GARS1: variants seen among roughly 807,000 people sequenced by gnomAD.
The protein encoded by GARS1 is glycyl-tRNA synthetase 1, also known as glycine--tRNA ligase.
GARS1 carries 46 observed loss-of-function variants against 86.4 expected under a neutral mutation model. That is an observed-to-expected ratio of 0.53 (90% CI 0.42 to 0.68). The LOEUF is 0.68. Among genes scored for constraint, GARS1 ranks in the 30% least tolerant of loss-of-function variants. The pLI, the probability that GARS1 is intolerant of heterozygous loss-of-function variation, is 0.00. For synonymous variants in GARS1, 342 were observed against 329.8 expected (o/e 1.04, Z -0.40); for missense variants, 797 against 915.6 (o/e 0.87, Z 1.67).
intron 16 of GARS1, 64 bp from the exon 17 acceptor site, chr7:30,633,671 G>A: frequency 6.3e-7 from 1 of 1,580,892 alleles, no homozygotes; most frequent in Non-Finnish European, 8.7e-7. Flanking sequence ...AGTTCAGGAT[G>A]AATCTTCTTC....
chr7:30,621,836 C>T (rs929004094), intron 11 of GARS1, among the ~76,000 whole-genome samples: 1 of 152,146 alleles, frequency 6.6e-6, no homozygotes, highest in South Asian at 2.1e-4. Context: ...ATAAAGGGTA[C>T]CTGGTGAAAG....
intron 4 of GARS1, among the ~76,000 whole-genome samples, chr7:30,601,529 T>G (rs189093460): frequency 3.7e-4 from 57 of 152,340 alleles, no homozygotes; most frequent in African/African-American, 1.3e-3. Flanking sequence ...TAGCATAGTA[T>G]TCTGTTTTAT....
chr7:30,617,138 G>A lies in GARS1; in HGVS notation c.1219G>A (p.Gly407Ser), dbSNP rs370650205. ...GGGTGTGATTAATAACACAGTATTA[G>A]GCTATTTCATTGGCCGCATCTACCT... ...EQGVINNTVLGYFIGRIYLYL... is the reference protein window; with the variant it reads ...EQGVINNTVLSYFIGRIYLYL... The change falls in exon 10 of 17, where the codon GGC (glycine) becomes AGC (serine). Residue 407 changes from glycine (G) to serine (S), a missense_variant. Physicochemically the swap from Gly to Ser is moderately conservative, Grantham distance 56. Coordinates refer to ENST00000389266, the MANE Select transcript of GARS1 (RefSeq NM_002047.4). The A allele has an allele frequency of 1.1e-5, 17 of 1,613,962 alleles. No homozygotes were observed. The highest frequency in any genetic ancestry group is 2.7e-5 in the African/African-American group (2 of 74,902).
chr7:30,601,098 C>A lies in GARS1; in HGVS notation c.467C>A (p.Ala156Asp). 6.2e-7 allele frequency: 1 copy of A among 1,613,984 alleles called. No homozygotes were observed. Among genetic ancestry groups the A allele is most frequent in the Non-Finnish European group, 8.5e-7 (1 of 1,179,904 alleles). Reference protein sequence around the residue: ...GLYDFGPVGCALKNNIIQTWR... With the variant: ...GLYDFGPVGCDLKNNIIQTWR... Reference sequence around the variant, plus strand: ...TATGACTTTGGGCCAGTTGGCTGTGCTTTGAAGAACAATATTATTCAGACC... The same window carrying A: ...TATGACTTTGGGCCAGTTGGCTGTGATTTGAAGAACAATATTATTCAGACC... The change falls in exon 4 of 17, where the codon GCT becomes GAT. Residue 156 changes from alanine (A) to aspartate (D), a missense_variant. Physicochemically the swap from Ala to Asp is moderately radical, Grantham distance 126. Around this residue, in one of 2 missense-constraint regions of GARS1, gnomAD observed 598 missense variants for 738.7 expected, o/e 0.81. Coordinates refer to ENST00000389266, the MANE Select transcript of GARS1 (RefSeq NM_002047.4).
At chr7:30,594,736 T>C, upstream of GARS1, 1 of 601,390 alleles carries the variant, frequency 1.7e-6, no homozygotes, top group South Asian at 2.0e-5. Flanking sequence ...GAGAAAACCT[T>C]CGGCGGGGTC....
intron 10 of GARS1, among the ~76,000 whole-genome samples, chr7:30,617,840 C>G (rs914294480): frequency 6.6e-6 from 1 of 152,180 alleles, no homozygotes; most frequent in Admixed American, 6.5e-5. Context: ...ACATGAACAT[C>G]AGTATTGAAG....
intron 4 of GARS1, among the ~76,000 whole-genome samples, chr7:30,602,189 C>T (rs972973685): frequency 2.0e-5 from 3 of 151,962 alleles, no homozygotes; most frequent in African/African-American, 4.8e-5. Flanking sequence ...CTCGGGTTCA[C>T]GCCATTCTCT....
rs554680786 is a variant in GARS1, at chr7:30,632,456, G to A, written c.2094+19G>A. 6.2e-7 allele frequency: 1 copy of A among 1,613,358 alleles called. No homozygotes were observed. The highest frequency in any genetic ancestry group is 1.1e-5 in the South Asian group (1 of 91,032). Reference sequence around the variant, plus strand: ...AGCAGAGGTATCTGGCCTTCTCTTTGGCATTTTTAGCCTTAGAAATGTGTA... The same window carrying A: ...AGCAGAGGTATCTGGCCTTCTCTTTAGCATTTTTAGCCTTAGAAATGTGTA... On this transcript the variant is annotated intron_variant, in intron 16 of 16. Coordinates refer to ENST00000389266, the MANE Select transcript of GARS1 (RefSeq NM_002047.4). This position sits in a 1 kb window ranked among gnomAD's most constrained non-coding sequence, Gnocchi z 4.1.
intron 6 of GARS1, among the ~76,000 whole-genome samples, chr7:30,604,255 A>G (rs1016365112): frequency 6.6e-6 from 1 of 152,168 alleles, no homozygotes; most frequent in African/African-American, 2.4e-5. Flanking sequence ...GCTCATGTAT[A>G]TATGTTGCTG....
chr7:30,601,045 C>T lies in GARS1; in HGVS notation c.428-14C>T. 6.2e-7 allele frequency: 1 copy of T among 1,613,462 alleles called. No homozygotes were observed. On this transcript the variant is annotated splice_polypyrimidine_tract_variant and intron_variant, in intron 3 of 16. Transcript: ENST00000389266. ...AACAAGGTAAAGTATGTGTTTTCCT[C>T]TCATATTCTATAGGTGTTAGTGGTC...
intron 6 of GARS1, among the ~76,000 whole-genome samples, chr7:30,609,194 G>T (rs757480181): frequency 1.8e-4 from 27 of 152,154 alleles, no homozygotes; most frequent in Non-Finnish European, 2.9e-4. Flanking sequence ...TGCTTGACTG[G>T]ATCTTTAAAA....
Position 30,600,179 on chromosome 7 carries a change from T to C in GARS1, c.427+130T>C, listed in dbSNP as rs1423686156. The C allele has an allele frequency of 4.2e-6, 3 of 722,854 alleles. No individual in the cohort carries two copies. In the East Asian group the frequency reaches 8.1e-5, roughly 20 times the overall value. 44.8% of individuals were successfully genotyped at this position (722,854 alleles called of 1,614,324 possible). A position where few individuals can be genotyped will look rare whatever the true frequency, so the allele number is the denominator to read the frequency against. ...ACAAAGCAGAGGATGGATGTTTTGC[T>C]TTTGTTTGCTTGGAGTCACCATTTG... On this transcript the variant is annotated intron_variant, in intron 3 of 16. Transcript: ENST00000389266.
chr7:30,612,614 G>T (rs1178495899), intron 8 of GARS1, among the ~76,000 whole-genome samples: 2 of 152,124 alleles, frequency 1.3e-5, no homozygotes, highest in African/African-American at 4.8e-5. Context: ...TCGGGTGGGG[G>T]TAGGGTGAAA....
chr7:30,598,550 G>A (rs949644289), intron 1 of GARS1, among the ~76,000 whole-genome samples: 19 of 151,714 alleles, frequency 1.3e-4, no homozygotes, highest in African/African-American at 4.1e-4. Flanking sequence ...CACCACGGCC[G>A]GCTAATTTTT....
At chr7:30,613,072 A>G (rs947778350) in intron 8 of GARS1, among the ~76,000 whole-genome samples, 8 of 151,816 alleles carry the variant, frequency 5.3e-5, no homozygotes, top group Non-Finnish European at 1.0e-4. Flanking sequence ...CTTCTTACTC[A>G]CTGTAATTAC....
chr7:30,621,050 C>A (rs926756679), intron 10 of GARS1, among the ~76,000 whole-genome samples: 1 of 137,702 alleles, frequency 7.3e-6, no homozygotes, highest in Non-Finnish European at 1.6e-5. Flanking sequence ...ATATTTTTTT[C>A]TTTCTTTTTT....
chr7:30,613,037 AGC>A (rs1782801868), intron 8 of GARS1, among the ~76,000 whole-genome samples: 1 of 152,124 alleles, frequency 6.6e-6, no homozygotes, highest in African/African-American at 2.4e-5. Context: ...TCCCAGCCCC[AGC>A]GCCCACCCAT....
intron 1 of GARS1, among the ~76,000 whole-genome samples, chr7:30,598,377 C>CTTTTTTTTT (rs1174085518): frequency 7.0e-5 from 7 of 99,610 alleles, no homozygotes; most frequent in Admixed American, 1.2e-4. Flanking sequence ...TTGCATCATT[C>CTTTTTTTTT]TTTTTTTTTT....
intron 7 of GARS1, among the ~76,000 whole-genome samples, chr7:30,609,977 C>T (rs1311078111): frequency 6.6e-6 from 1 of 152,090 alleles, no homozygotes; most frequent in Non-Finnish European, 1.5e-5. Context: ...ACTATATCTT[C>T]TAGTTATAGC....
Sources: allele counts gnomAD v4.1 joint callset (sites outside exome capture counted in the v4.1 genomes callset), GRCh38; gene constraint gnomAD v4.1.1; regional missense constraint gnomAD v4.1.1; non-coding constraint Gnocchi (gnomAD v3.1); transcripts MANE v1.5; gene names NCBI Gene and HGNC (gene_info 2026-07-23, HGNC 2026-07-21).